The following PLCB4 variants were observed in gnomAD, a reference collection of about 807,000 sequenced individuals.
PLCB4 encodes phospholipase C beta 4.
Under a neutral mutation model 178.8 loss-of-function variants are expected in PLCB4, and 77 were observed. That is an observed-to-expected ratio of 0.43 (90% CI 0.36 to 0.52). The LOEUF is 0.52. PLCB4 is among the 20% of genes least tolerant of loss of function. PLCB4 has a pLI of 0.00. For synonymous variants in PLCB4, 496 were observed against 490.8 expected (o/e 1.01, Z -0.14); for missense variants, 1,024 against 1,453.4 (o/e 0.70, Z 4.80).
chr20:9,307,771 A>G (rs752094104), intron 3 of PLCB4, 29 bp from the exon 4 acceptor site: 41 of 1,025,704 alleles, frequency 4.0e-5, no homozygotes, highest in Middle Eastern at 2.2e-4. Flanking sequence ...CATTTTATAT[A>G]CTAACGAGCT....
At chr20:9,086,853 A>C (rs570221477) in intron 1 of PLCB4, among the ~76,000 whole-genome samples, 1 of 152,308 alleles carries the variant, frequency 6.6e-6, no homozygotes, top group South Asian at 2.1e-4. Flanking sequence ...AAGTCATTTC[A>C]CATCACCGGT....
At chr20:9,119,244 A>G (rs2146738245) in intron 2 of PLCB4, among the ~76,000 whole-genome samples, 1 of 152,272 alleles carries the variant, frequency 6.6e-6, no homozygotes, top group South Asian at 2.1e-4. Context: ...TCCAAGCATA[A>G]TTCTTCAAAT....
At chr20:9,135,433 G>A (rs986145879) in intron 2 of PLCB4, among the ~76,000 whole-genome samples, 1 of 152,084 alleles carries the variant, frequency 6.6e-6, no homozygotes, top group African/African-American at 2.4e-5. Context: ...TGTGTTGGGT[G>A]TGAGGAATGA....
chr20:9,294,601 A>G (rs1162967049), intron 3 of PLCB4, among the ~76,000 whole-genome samples: 1 of 152,038 alleles, frequency 6.6e-6, no homozygotes, highest in Non-Finnish European at 1.5e-5. Flanking sequence ...TTTCCTGGTA[A>G]ATTGGGCTGG....
intron 3 of PLCB4, among the ~76,000 whole-genome samples, chr20:9,266,040 A>G (rs908218264): frequency 2.0e-5 from 3 of 152,228 alleles, no homozygotes; most frequent in African/African-American, 7.2e-5. Context: ...TGTGGTGAAG[A>G]GAAATCATTT....
At chr20:9,248,852 T>C (rs1490450917) in intron 3 of PLCB4, among the ~76,000 whole-genome samples, 1 of 152,184 alleles carries the variant, frequency 6.6e-6, no homozygotes, top group African/African-American at 2.4e-5. Flanking sequence ...ACAACACAAG[T>C]TTATTTTCTT....
intron 2 of PLCB4, among the ~76,000 whole-genome samples, chr20:9,102,242 A>C (rs570105601): frequency 6.6e-6 from 1 of 152,300 alleles, no homozygotes; most frequent in South Asian, 2.1e-4. Context: ...TTGCTTCATA[A>C]ATGTATAGAA....
chr20:9,214,573 A>ACACACACACACACACAGCCTCTGTCTCT (rs2093708311), intron 2 of PLCB4, among the ~76,000 whole-genome samples: 1 of 151,776 alleles, frequency 6.6e-6, no homozygotes, highest in Non-Finnish European at 1.5e-5. Context: ...ACACACACAC[A>ACACACACACACACACAGCCTCTGTCTCT]CACACACACA....
intron 12 of PLCB4, among the ~76,000 whole-genome samples, chr20:9,375,339 G>T (rs1025475739): frequency 1.3e-5 from 2 of 152,094 alleles, no homozygotes; most frequent in Non-Finnish European, 2.9e-5. Flanking sequence ...GAAAGAATGG[G>T]CATTGGAATG....
intron 2 of PLCB4, among the ~76,000 whole-genome samples, chr20:9,161,817 A>G (rs1260668506): frequency 6.6e-6 from 1 of 152,064 alleles, no homozygotes; most frequent in Non-Finnish European, 1.5e-5. Context: ...TAGATTCTAC[A>G]AAAAAGAGTG....
chr20:9,129,317 C>T (rs1264403938), intron 2 of PLCB4, among the ~76,000 whole-genome samples: 1 of 152,110 alleles, frequency 6.6e-6, no homozygotes, highest in Non-Finnish European at 1.5e-5. Context: ...TATAACTATA[C>T]CAGGTCCCTT....
At chr20:9,259,668 A>T (rs2094276841) in intron 3 of PLCB4, among the ~76,000 whole-genome samples, 2 of 152,160 alleles carry the variant, frequency 1.3e-5, no homozygotes, top group African/African-American at 4.8e-5. Context: ...TAGAGGTTTG[A>T]GCATATTATC....
chr20:9,178,966 G>A (rs1200960086), intron 2 of PLCB4, among the ~76,000 whole-genome samples: 1 of 151,990 alleles, frequency 6.6e-6, no homozygotes, highest in East Asian at 1.9e-4. Context: ...CAGCTATTAT[G>A]TTTAAATTGT....
At chr20:9,327,597 A>G (rs532079103) in intron 4 of PLCB4, among the ~76,000 whole-genome samples, 1 of 151,666 alleles carries the variant, frequency 6.6e-6, no homozygotes, top group South Asian at 2.1e-4. Flanking sequence ...TAACACAGAC[A>G]AACCCCATCT....
At chr20:9,394,609 A>G (rs16995835) in intron 18 of PLCB4, among the ~76,000 whole-genome samples, 1,605 of 152,314 alleles carry the variant, frequency 0.011, 26 homozygotes, top group African/African-American at 0.036. Flanking sequence ...GTATGCATTT[A>G]TTATAGCATG....
intron 2 of PLCB4, among the ~76,000 whole-genome samples, chr20:9,169,874 C>G (rs563352639): frequency 2.6e-5 from 4 of 152,292 alleles, no homozygotes; most frequent in African/African-American, 9.6e-5. Context: ...ATCCACTTAT[C>G]CCTCTGTCTT....
intron 1 of PLCB4, among the ~76,000 whole-genome samples, chr20:9,090,898 G>A (rs1009536102): frequency 1.3e-5 from 2 of 152,182 alleles, no homozygotes; most frequent in Non-Finnish European, 2.9e-5. Flanking sequence ...CAAAGTATTA[G>A]AAGCCTATTG....
At chr20:9,214,489 A>G (rs1482330911) in intron 2 of PLCB4, among the ~76,000 whole-genome samples, 1 of 151,880 alleles carries the variant, frequency 6.6e-6, no homozygotes, top group Non-Finnish European at 1.5e-5. Context: ...AATTTTGTTT[A>G]CCTATTATGG....
intron 25 of PLCB4, among the ~76,000 whole-genome samples, chr20:9,415,799 T>G (rs1273101864): frequency 6.6e-6 from 1 of 152,206 alleles, no homozygotes; most frequent in Non-Finnish European, 1.5e-5. Context: ...CATGGGGCCC[T>G]TCTGAGTTCA....
Sources: gnomAD v4.1 joint callset for allele counts (sites outside exome capture counted in the v4.1 genomes callset) on GRCh38, gnomAD v4.1.1 for gene constraint, MANE v1.5 for transcripts, NCBI Gene and HGNC (gene_info 2026-07-23, HGNC 2026-07-21) for gene names.